Variants in CD1B observed in about 807,000 individuals in gnomAD.
CD1B encodes the protein CD1b molecule, also known as T-cell surface glycoprotein CD1b.
Under a neutral mutation model 39.8 loss-of-function variants are expected in CD1B, and 43 were observed. That is an observed-to-expected ratio of 1.08 (90% CI 0.85 to 1.39). The LOEUF (loss-of-function observed/expected upper bound fraction) is 1.39. Ranked by LOEUF, CD1B falls within the 40% of genes most tolerant of loss-of-function variation. The pLI, the probability that CD1B is intolerant of heterozygous loss-of-function variation, is 0.00. For missense variants in CD1B, 495 were observed against 403.8 expected, an observed-to-expected ratio of 1.23 and a Z score of -1.94; for synonymous variants, 192 against 152.5, an observed-to-expected ratio of 1.26 and a Z score of -1.91.
chr1:158,291,358 A>G, the CD1B span: 1 of 1,613,984 alleles, frequency 6.2e-7, no homozygotes, highest in Non-Finnish European at 8.5e-7. Flanking sequence ...CTTTGGATTA[A>G]CTCGGGAGAT....
At chr1:158,316,643 C>G in the CD1B span, among the ~76,000 whole-genome samples, 3 of 150,776 alleles carry the variant, frequency 2.0e-5, no homozygotes, top group Non-Finnish European at 2.9e-5. Context: ...ATTGAATACC[C>G]TTTATTTCCT....
At chr1:158,302,757 A>T in the CD1B span, among the ~76,000 whole-genome samples, 1 of 152,178 alleles carries the variant, frequency 6.6e-6, no homozygotes, top group Non-Finnish European at 1.5e-5. Context: ...CCCTGAACAG[A>T]TCAATAATGA....
chr1:158,304,756 C>T, the CD1B span, among the ~76,000 whole-genome samples: 11 of 152,324 alleles, frequency 7.2e-5, no homozygotes, highest in Admixed American at 1.3e-4. Context: ...GAGGAATAAT[C>T]GGCAGCAACA....
the CD1B span, among the ~76,000 whole-genome samples, chr1:158,298,129 A>G: frequency 6.6e-6 from 1 of 152,130 alleles, no homozygotes; most frequent in Non-Finnish European, 1.5e-5. Flanking sequence ...TAAACCAACA[A>G]CTGTCAAAAA....
the CD1B span, among the ~76,000 whole-genome samples, chr1:158,298,456 C>A: frequency 6.6e-6 from 1 of 152,206 alleles, no homozygotes. Context: ...CTTCCCATGC[C>A]TCCAGCTTTG....
At chr1:158,321,032 G>A in the CD1B span, among the ~76,000 whole-genome samples, 1 of 152,128 alleles carries the variant, frequency 6.6e-6, no homozygotes, top group Non-Finnish European at 1.5e-5. Flanking sequence ...ATTTGGTCAG[G>A]AGTTCAGTTT....
the CD1B span, among the ~76,000 whole-genome samples, chr1:158,315,004 G>A: frequency 2.4e-4 from 36 of 147,062 alleles, no homozygotes; most frequent in Middle Eastern, 3.4e-3. Flanking sequence ...TTTTATGGCT[G>A]CATAGTATTC....
At chr1:158,326,985 C>G (rs1439277155), downstream of CD1B, among the ~76,000 whole-genome samples, 1 of 152,022 alleles carries the variant, frequency 6.6e-6, no homozygotes, top group Non-Finnish European at 1.5e-5. Flanking sequence ...TTAGTAGAGA[C>G]AGATTTTTGC....
chr1:158,288,398 A>G, the CD1B span, among the ~76,000 whole-genome samples: 4,657 of 152,136 alleles, frequency 0.031, 234 homozygotes, highest in African/African-American at 0.11. Flanking sequence ...TACAAATGGG[A>G]TTTTCCTTTT....
At chr1:158,327,826 G>A (rs1370435688), downstream of CD1B, 2 of 159,090 alleles carry the variant, frequency 1.3e-5, no homozygotes, top group Non-Finnish European at 2.8e-5. Flanking sequence ...ACATCCAAAA[G>A]GCTCTGCATC....
chr1:158,329,135 T>C (rs1652476394), intron 4 of CD1B, 121 bp from the exon 5 acceptor site: 2 of 976,550 alleles, frequency 2.0e-6, no homozygotes, highest in African/African-American at 1.6e-5. Flanking sequence ...CTCATATTCC[T>C]GGCCACCATA....
the CD1B span, among the ~76,000 whole-genome samples, chr1:158,320,158 G>A: frequency 2.0e-5 from 3 of 152,218 alleles, no homozygotes; most frequent in African/African-American, 7.2e-5. Context: ...GAGGCAGGCA[G>A]GCCTCCTTGA....
At chr1:158,317,226 C>G in the CD1B span, among the ~76,000 whole-genome samples, 2 of 151,826 alleles carry the variant, frequency 1.3e-5, no homozygotes, top group Non-Finnish European at 2.9e-5. Context: ...GGAATAGTTT[C>G]AGAAGGAATG....
chr1:158,287,412 G>A, the CD1B span, among the ~76,000 whole-genome samples: 3 of 152,238 alleles, frequency 2.0e-5, no homozygotes, highest in Non-Finnish European at 4.4e-5. Flanking sequence ...GGGTCTTACC[G>A]TTTAGACATG....
At position 158,329,644 on chromosome 1, in the gene CD1B, C is replaced by A; in HGVS notation, c.612G>T (p.Lys204Asn). The stretch of plus-strand genomic sequence containing the variant: ...GGCCACTGGACAGCCAGGCCTCAGG[C>A]TTCACTAAGGCAGGAAGGAGAAAAA... ...AGKADLQRQVKPEAWLSSGPS... is the reference protein window; with the variant it reads ...AGKADLQRQVNPEAWLSSGPS... Residue 204 changes from lysine (K) to asparagine (N), a missense_variant, in exon 4 of 6, where the codon AAG becomes AAT. By Grantham distance (94) the Lys-to-Asn change is moderately conservative (BLOSUM62 0). Transcript: ENST00000368168. 1.2e-6 allele frequency: 2 copies of A among 1,613,614 alleles called. No individual in the cohort carries two copies. Among genetic ancestry groups the A allele is most frequent in the Non-Finnish European group, 1.7e-6 (2 of 1,179,658 alleles).
rs976322178 is a variant in CD1B, at chr1:158,330,859, G to A, written c.265C>T (p.Arg89Ter). The A allele has an allele frequency of 1.9e-5, 30 of 1,613,976 alleles. No individual in the cohort carries two copies. The highest frequency in any genetic ancestry group is 4.4e-5 in the South Asian group (4 of 91,068). Residue 89 changes from arginine (R) to a stop codon, truncating the protein, a stop_gained, in exon 2 of 6, where the codon CGA becomes TGA. Transcript: ENST00000368168. LOFTEE classifies it high-confidence loss of function. ...CGAGCGAATCCAAAGATGTAGACTC[G>A]GAATATCTCCTCTAACTCAGCAACC... The part of the protein sequence containing the change: ...KEVAELEEIF[R>*]VYIFGFAREV...
chr1:158,315,883 C>G, the CD1B span, among the ~76,000 whole-genome samples: 1 of 152,016 alleles, frequency 6.6e-6, no homozygotes, highest in Non-Finnish European at 1.5e-5. Flanking sequence ...TATGGCTAGC[C>G]AATTATCCCA....
Position 158,330,066 on chromosome 1 carries a change from G to A in CD1B, c.393C>T (p.Phe131=), listed in dbSNP as rs554022925. Residue 131 remains phenylalanine, a synonymous_variant, in exon 3 of 6, where the codon TTC becomes TTT. Transcript: ENST00000368168. ...CCAATCCTCCTAGAGCTCCCCTCAG[G>A]AAGCTTACTATGGCACCTCCAGAAT... ...ELHSGGAIVS[F]LRGALGGLDF... is the part of the protein sequence containing the mutation. 6 of 1,613,938 alleles carry A rather than the reference G, an allele frequency of 3.7e-6. No homozygotes were observed. The highest frequency in any genetic ancestry group is 1.3e-5 in the African/African-American group (1 of 74,994).
At chr1:158,287,487 A>ACATG in the CD1B span, among the ~76,000 whole-genome samples, 1 of 152,130 alleles carries the variant, frequency 6.6e-6, no homozygotes, top group Non-Finnish European at 1.5e-5. Context: ...TAGGGATTCA[A>ACATG]CATGTGATTT....
Sources: gnomAD v4.1 joint callset for allele counts (sites outside exome capture counted in the v4.1 genomes callset) on GRCh38, gnomAD v4.1.1 for gene constraint, MANE v1.5 for transcripts, NCBI Gene and HGNC (gene_info 2026-07-23, HGNC 2026-07-21) for gene names.